The following KCNK12 variants were observed in gnomAD, a reference collection of about 807,000 sequenced individuals.
KCNK12 encodes potassium two pore domain channel subfamily K member 12.
KCNK12 carries 6 observed loss-of-function variants against 25.3 expected under a neutral mutation model. The observed-to-expected ratio is 0.24, with a 90% CI of 0.13 to 0.47. The LOEUF is 0.47. KCNK12 is among the 20% of genes least tolerant of loss of function. The pLI is 0.99. For synonymous variants in KCNK12, 331 were observed against 311.1 expected, an observed-to-expected ratio of 1.06 and a Z score of -0.67; for missense variants, 444 against 661.7, an observed-to-expected ratio of 0.67 and a Z score of 3.61.
intron 1 of KCNK12, chr2:47,535,290 C>G: frequency 8.6e-6 from 2 of 233,200 alleles, no homozygotes; most frequent in Non-Finnish European, 1.7e-5. Context: ...GCCCGACCTG[C>G]ACCTGCCCTA....
chr2:47,512,257 C>T lies in KCNK12; in HGVS notation c.*8650G>A. The T allele has an allele frequency of 6.2e-7, 1 of 1,605,496 alleles. No individual in the cohort carries two copies. Among genetic ancestry groups the T allele is most frequent in the South Asian group, 1.1e-5 (1 of 89,684 alleles). ...GCTGAGTATCGTTCTTGATGGAAAT[C>T]CCCGTGGAACTCCTACATTTTCTCC... On this transcript the variant is annotated 3_prime_UTR_variant, in exon 2 of 2. Transcript: ENST00000327876.
Position 47,529,650 on chromosome 2 carries a change from ACT to A in KCNK12, c.392-7844_392-7843del, listed in dbSNP as rs1668875764. 6.6e-6 allele frequency among the ~76,000 whole-genome samples: 1 copy of A among 152,186 alleles called. No individual in the cohort carries two copies. The highest frequency in any genetic ancestry group is 2.4e-5 in the African/African-American group (1 of 41,442). ...CAGGATAATCCAGTTCCTTACCATG[ACT>A]GGCTCAAGAATGGGTAGACCTAAGT... On this transcript the variant is annotated intron_variant, in intron 1 of 1. Coordinates refer to ENST00000327876, the MANE Select transcript of KCNK12 (RefSeq NM_022055.2). This position sits in a 1 kb window ranked among gnomAD's most constrained non-coding sequence, Gnocchi z 4.3.
intron 1 of KCNK12, chr2:47,564,163 C>G: frequency 1.3e-5 from 3 of 231,790 alleles, no homozygotes; most frequent in East Asian, 6.1e-5. Flanking sequence ...TGGAGAAAAC[C>G]AAGTGGATGT....
rs1454009495 is a variant in KCNK12 at position 47,515,341 on chromosome 2, T to G, written c.*5566A>C. Among the ~76,000 whole-genome samples the G allele has an allele frequency of 6.6e-6, 1 of 152,254 alleles. No individual in the cohort carries two copies. Among genetic ancestry groups the G allele is most frequent in the Non-Finnish European group, 1.5e-5 (1 of 68,044 alleles). On this transcript the variant is annotated 3_prime_UTR_variant, in exon 2 of 2. Coordinates refer to ENST00000327876, the MANE Select transcript of KCNK12 (RefSeq NM_022055.2). Reference sequence around the variant, plus strand: ...GCTTTGACCAGCATTAACCTATTTATGCCTAGCGTTCCCTTATTGGAACAC... The same window carrying G: ...GCTTTGACCAGCATTAACCTATTTAGGCCTAGCGTTCCCTTATTGGAACAC...
At chr2:47,559,124 G>A (rs2104877048) in intron 1 of KCNK12, among the ~76,000 whole-genome samples, 1 of 152,340 alleles carries the variant, frequency 6.6e-6, no homozygotes, top group South Asian at 2.1e-4. Flanking sequence ...AAGGGCTGAG[G>A]CTTAGAATTG....
chr2:47,534,884 A>G (rs2104789151), intron 1 of KCNK12: 2 of 205,308 alleles, frequency 9.7e-6, no homozygotes, highest in East Asian at 1.5e-4. Flanking sequence ...GGAGATTTTA[A>G]AAGGAAGTCT....
At chr2:47,526,323 G>A (rs1271453046) in intron 1 of KCNK12, among the ~76,000 whole-genome samples, 3 of 149,276 alleles carry the variant, frequency 2.0e-5, no homozygotes, top group Non-Finnish European at 4.5e-5. Context: ...GGAGAATGCC[G>A]TGAACCCAGG....
At chr2:47,523,747 A>C (rs1230435442) in intron 1 of KCNK12, among the ~76,000 whole-genome samples, 1 of 152,026 alleles carries the variant, frequency 6.6e-6, no homozygotes, top group East Asian at 1.9e-4. Flanking sequence ...TTGGAGTCTG[A>C]GCTGAAAAAA....
intron 1 of KCNK12, among the ~76,000 whole-genome samples, chr2:47,568,210 G>A (rs866672003): frequency 1.3e-5 from 2 of 152,082 alleles, no homozygotes; most frequent in African/African-American, 2.4e-5. Flanking sequence ...AAGGGAAAGG[G>A]CGTGTTTACA....
chr2:47,527,375 C>A (rs984697037), intron 1 of KCNK12, among the ~76,000 whole-genome samples: 1 of 152,248 alleles, frequency 6.6e-6, no homozygotes, highest in Non-Finnish European at 1.5e-5. Context: ...TCATAACCTC[C>A]CCGTGGCACA....
At position 47,510,588 on chromosome 2, in the gene KCNK12, C is replaced by T. The variant is rs979157507; in HGVS notation, c.*10319G>A. ...TATCTCAACACCCCTACACTCTCAC[C>T]GCACGTATTTGGTCAGCTATGAATA... is the stretch of plus-strand genomic sequence containing the variant. On this transcript the variant is annotated 3_prime_UTR_variant, in exon 2 of 2. Coordinates refer to ENST00000327876, the MANE Select transcript of KCNK12 (RefSeq NM_022055.2). 2.6e-5 allele frequency among the ~76,000 whole-genome samples: 4 copies of T among 152,272 alleles called. No individual in the cohort carries two copies. The highest frequency in any genetic ancestry group is 3.9e-4 in the East Asian group (2 of 5,176).
chr2:47,541,161 C>T (rs1669189314), intron 1 of KCNK12, among the ~76,000 whole-genome samples: 1 of 152,152 alleles, frequency 6.6e-6, no homozygotes, highest in African/African-American at 2.4e-5. Flanking sequence ...ATCCCTCACC[C>T]TTTTCCAATT....
At chr2:47,531,691 G>C (rs769650570) in intron 1 of KCNK12, among the ~76,000 whole-genome samples, 74 of 152,310 alleles carry the variant, frequency 4.9e-4, no homozygotes, top group Admixed American at 9.8e-4. Flanking sequence ...GACAATGCTG[G>C]TGAGGCAGGA....
In KCNK12 at chr2:47,514,902, A is replaced by G. The variant is rs114240717; in HGVS notation, c.*6005T>C. ...GCTGGGATTATAGACATGAGCCACC[A>G]TGCCCAGCTAAAAGTTCCTTTTTAA... On this transcript the variant is annotated 3_prime_UTR_variant, in exon 2 of 2. Coordinates refer to ENST00000327876, the MANE Select transcript of KCNK12 (RefSeq NM_022055.2). This position sits in a 1 kb window ranked among gnomAD's most constrained non-coding sequence, Gnocchi z 5.0. Among the ~76,000 whole-genome samples the G allele has an allele frequency of 9.2e-5, 14 of 152,320 alleles. No individual in the cohort carries two copies. The highest frequency in any genetic ancestry group is 2.1e-4 in the Non-Finnish European group (14 of 68,018).
chr2:47,569,406 T>A lies in KCNK12; in HGVS notation c.391+535A>T, dbSNP rs1228223499. On this transcript the variant is annotated intron_variant, in intron 1 of 1. Transcript: ENST00000327876. This position sits in a 1 kb window ranked among gnomAD's most constrained non-coding sequence, Gnocchi z 4.1. The stretch of plus-strand genomic sequence containing the variant: ...CGGTATAGACTGTAGGAGAAGCAAG[T>A]GGGAAGGAGATGTAGGGAAAGTGAT... Among the ~76,000 whole-genome samples, 3 of 151,354 alleles carry A rather than the reference T, an allele frequency of 2.0e-5. No homozygotes were observed. Among genetic ancestry groups the A allele is most frequent in the South Asian group, 2.1e-4 (1 of 4,782 alleles).
In KCNK12 at chr2:47,529,600, A is replaced by T. The variant is rs1303239108; in HGVS notation, c.392-7792T>A. Among the ~76,000 whole-genome samples the T allele has an allele frequency of 6.6e-6, 1 of 152,216 alleles. No individual in the cohort carries two copies. The highest frequency in any genetic ancestry group is 1.5e-5 in the Non-Finnish European group (1 of 68,050). On this transcript the variant is annotated intron_variant, in intron 1 of 1. Transcript: ENST00000327876. The surrounding 1 kb of genome is among the most constrained non-coding windows in gnomAD (Gnocchi z 4.3). ...TTGGAGAACAGACTGAACTCCAGGA[A>T]TGGGCTCTATTAGTCTAGGCCAATC...
rs919456246 is a variant in KCNK12, at chr2:47,556,325, A to G, written c.391+13616T>C. Among the ~76,000 whole-genome samples, 3 of 152,254 alleles carry G rather than the reference A, an allele frequency of 2.0e-5. No homozygotes were observed. Among genetic ancestry groups the G allele is most frequent in the Non-Finnish European group, 4.4e-5 (3 of 68,050 alleles). ...CATCCACTGCCACAGGAGAGAAAGC[A>G]GCTCCACATGGTGGGTGGATTTAGG... On this transcript the variant is annotated intron_variant, in intron 1 of 1. Transcript: ENST00000327876. The surrounding 1 kb of genome is among the most constrained non-coding windows in gnomAD (Gnocchi z 4.8).
In KCNK12 at chr2:47,560,886, C is replaced by T. The variant is rs1318554034; in HGVS notation, c.391+9055G>A. Among the ~76,000 whole-genome samples, 5 of 152,116 alleles carry T rather than the reference C, an allele frequency of 3.3e-5. No individual in the cohort carries two copies. The East Asian group carries it at 9.7e-4, about 29-fold the overall frequency. ...GGTGGGCTCTGTGGCCTCCCCTGGC[C>T]CCAGATCCTGTCCTGCTCCGGGAGG... is the stretch of plus-strand genomic sequence containing the variant. On this transcript the variant is annotated intron_variant, in intron 1 of 1. Coordinates refer to ENST00000327876, the MANE Select transcript of KCNK12 (RefSeq NM_022055.2). The surrounding 1 kb of genome is among the most constrained non-coding windows in gnomAD (Gnocchi z 4.7).
At position 47,512,373 on chromosome 2, in the gene KCNK12, GAAAGAGATCTGCTTGCA is replaced by G; in HGVS notation, c.*8517_*8533del. The G allele has an allele frequency of 6.2e-7, 1 of 1,612,202 alleles. No homozygotes were observed. The stretch of plus-strand genomic sequence containing the variant: ...ACATGGAAAAGGAAACTTCGTGGGG[GAAAGAGATCTGCTTGCA>G]GTCGGCCAGAGAGACAGAACCAGGG... On this transcript the variant is annotated 3_prime_UTR_variant, in exon 2 of 2. Coordinates refer to ENST00000327876, the MANE Select transcript of KCNK12 (RefSeq NM_022055.2).
Sources: gnomAD v4.1 joint callset for allele counts (sites outside exome capture counted in the v4.1 genomes callset) on GRCh38, gnomAD v4.1.1 for gene constraint, Gnocchi (gnomAD v3.1) non-coding constraint, MANE v1.5 for transcripts, NCBI Gene and HGNC (gene_info 2026-07-23, HGNC 2026-07-21) for gene names.